LPAR1: variants seen among roughly 807,000 people sequenced by gnomAD.
The protein encoded by LPAR1 is lysophosphatidic acid receptor 1.
A neutral mutation model predicts 23.8 loss-of-function variants in LPAR1; 5 were observed. That is an observed-to-expected ratio of 0.21 (90% CI 0.11 to 0.44). The LOEUF (loss-of-function observed/expected upper bound fraction) is 0.44. LPAR1 is among the 20% of genes least tolerant of loss of function. The pLI is 0.99. For missense variants in LPAR1, 311 were observed against 482.8 expected (o/e 0.64, Z 3.33); for synonymous variants, 160 against 164.7 (o/e 0.97, Z 0.22).
intron 2 of LPAR1, among the ~76,000 whole-genome samples, chr9:110,987,154 G>C (rs965537553): frequency 2.0e-5 from 3 of 151,964 alleles, no homozygotes; most frequent in Admixed American, 2.0e-4. Flanking sequence ...CAAAGAATTT[G>C]CTACAAGGAT....
chr9:110,953,307 C>T (rs1309254709), intron 4 of LPAR1, among the ~76,000 whole-genome samples: 3 of 152,146 alleles, frequency 2.0e-5, no homozygotes, highest in Admixed American at 6.5e-5. Flanking sequence ...CTGACATCCC[C>T]GGCCCCAGCA....
At chr9:110,921,487 C>A (rs137964981) in intron 5 of LPAR1, among the ~76,000 whole-genome samples, 64 of 152,288 alleles carry the variant, frequency 4.2e-4, no homozygotes, top group African/African-American at 1.5e-3. Context: ...AAGGGCATCA[C>A]ATAACTTTTC....
rs201328538 is a variant in LPAR1, at chr9:111,023,830, A to G, written c.-182+12292T>C. On this transcript the variant is annotated intron_variant, in intron 2 of 5. Coordinates refer to ENST00000683809, the MANE Select transcript of LPAR1 (RefSeq NM_001351411.2). ...AATAGAAAAGAAAATGTCAGAGTTTACTATGTGTAGTAAACTATATACAAC... is the reference window on the plus strand; with the variant it reads ...AATAGAAAAGAAAATGTCAGAGTTTGCTATGTGTAGTAAACTATATACAAC... 4.6e-5 allele frequency among the ~76,000 whole-genome samples: 7 copies of G among 152,352 alleles called. No homozygotes were observed. The East Asian group carries it at 1.3e-3, about 29-fold the overall frequency.
intron 2 of LPAR1, among the ~76,000 whole-genome samples, chr9:110,982,588 C>T (rs948770604): frequency 3.3e-5 from 5 of 151,688 alleles, no homozygotes; most frequent in Admixed American, 6.6e-5. Flanking sequence ...AACAAACCTG[C>T]ATGTTGTGCA....
intron 5 of LPAR1, among the ~76,000 whole-genome samples, chr9:110,888,336 T>C (rs1247660405): frequency 6.6e-6 from 1 of 152,192 alleles, no homozygotes; most frequent in Non-Finnish European, 1.5e-5. Context: ...CTTAAAATTC[T>C]TGCAAAGCCA....
chr9:110,899,015 A>C (rs2087609812), intron 5 of LPAR1, among the ~76,000 whole-genome samples: 1 of 152,264 alleles, frequency 6.6e-6, no homozygotes, highest in African/African-American at 2.4e-5. Flanking sequence ...CCTTGGACAA[A>C]CATCGGCTAA....
chr9:110,994,148 G>A (rs891751076), intron 2 of LPAR1, among the ~76,000 whole-genome samples: 5 of 152,120 alleles, frequency 3.3e-5, no homozygotes, highest in African/African-American at 1.2e-4. Context: ...AAAATGCAAT[G>A]AGAATATCAC....
rs1451075744 is a variant in LPAR1, at chr9:110,874,115, A to T, written c.*1306T>A. ...ACAAGATGACATTTCACATTTTTTT[A>T]AAAAAAGAATCCTTCATGGGAATAT... On this transcript the variant is annotated 3_prime_UTR_variant, in exon 6 of 6. Coordinates refer to ENST00000683809, the MANE Select transcript of LPAR1 (RefSeq NM_001351411.2). The T allele has an allele frequency of 1.3e-5, 2 of 152,588 alleles. No individual in the cohort carries two copies. Among genetic ancestry groups the T allele is most frequent in the Middle Eastern group, 3.2e-3 (1 of 316 alleles). 9.5% of individuals were successfully genotyped at this position (152,588 alleles called of 1,614,324 possible). A position where few individuals can be genotyped will look rare whatever the true frequency, so the allele number is the denominator to read the frequency against.
At chr9:111,009,485 T>C (rs931038605) in intron 2 of LPAR1, among the ~76,000 whole-genome samples, 5 of 152,168 alleles carry the variant, frequency 3.3e-5, no homozygotes, top group Admixed American at 3.3e-4. Flanking sequence ...TATACTTGTG[T>C]CATTTTTATT....
chr9:110,947,446 G>A (rs865932909), intron 4 of LPAR1, among the ~76,000 whole-genome samples: 3 of 152,176 alleles, frequency 2.0e-5, no homozygotes, highest in African/African-American at 7.2e-5. Flanking sequence ...GGGTTCGAGG[G>A]AAGTGATCTC....
chr9:111,027,923 A>C (rs1334862322), intron 2 of LPAR1, among the ~76,000 whole-genome samples: 1 of 144,594 alleles, frequency 6.9e-6, no homozygotes, highest in African/African-American at 2.5e-5. Context: ...AAGCAAGCGG[A>C]GAAAGGGAAT....
At position 110,978,486 on chromosome 9, in the gene LPAR1, T is replaced by C. The variant is rs2096604841; in HGVS notation, c.-181-4928A>G. On this transcript the variant is annotated intron_variant, in intron 2 of 5. Transcript: ENST00000683809. ...AAGGACAAATTTATTCTAAAAACTT[T>C]AGAAAACTATTACAGATATACAACA... is the stretch of plus-strand genomic sequence containing the variant. Among the ~76,000 whole-genome samples, 4 of 152,130 alleles carry C rather than the reference T, an allele frequency of 2.6e-5. No individual in the cohort carries two copies. In the South Asian group the frequency reaches 8.3e-4, roughly 31 times the overall value.
intron 5 of LPAR1, among the ~76,000 whole-genome samples, chr9:110,897,949 T>A (rs1181462608): frequency 6.6e-6 from 1 of 152,116 alleles, no homozygotes; most frequent in Non-Finnish European, 1.5e-5. Flanking sequence ...ACAGAATTTC[T>A]GGAGGAAGGA....
intron 5 of LPAR1, among the ~76,000 whole-genome samples, chr9:110,912,326 C>T (rs1309112393): frequency 6.6e-6 from 1 of 152,148 alleles, no homozygotes; most frequent in Non-Finnish European, 1.5e-5. Context: ...GGAATCTCCA[C>T]CTCTCAAAGA....
At chr9:111,019,782 T>A (rs1240289078) in intron 2 of LPAR1, among the ~76,000 whole-genome samples, 5 of 152,010 alleles carry the variant, frequency 3.3e-5, no homozygotes, top group Non-Finnish European at 7.4e-5. Flanking sequence ...GAGGTGGAGA[T>A]TGCAGTGAGC....
intron 2 of LPAR1, among the ~76,000 whole-genome samples, chr9:110,988,539 A>C (rs2096835158): frequency 6.6e-6 from 1 of 152,170 alleles, no homozygotes; most frequent in Non-Finnish European, 1.5e-5. Flanking sequence ...GGCTAACAAG[A>C]ATATGAAAAG....
chr9:110,952,641 T>C (rs4344153), intron 4 of LPAR1, among the ~76,000 whole-genome samples: 149,872 of 152,262 alleles, frequency 0.98, 73,774 homozygotes, highest in African/African-American at 1. Flanking sequence ...TTATAGCTGC[T>C]ACCTGGGGCT....
intron 5 of LPAR1, among the ~76,000 whole-genome samples, chr9:110,882,897 A>G (rs2081271218): frequency 6.6e-6 from 1 of 152,170 alleles, no homozygotes; most frequent in African/African-American, 2.4e-5. Flanking sequence ...GATATTTATA[A>G]ATTTAGAAAT....
chr9:110,981,401 G>A (rs1017115148), intron 2 of LPAR1, among the ~76,000 whole-genome samples: 3 of 151,904 alleles, frequency 2.0e-5, no homozygotes, highest in African/African-American at 4.8e-5. Flanking sequence ...TAATAGTAAG[G>A]CTGCCACATA....
Sources: allele counts gnomAD v4.1 joint callset (sites outside exome capture counted in the v4.1 genomes callset), GRCh38; gene constraint gnomAD v4.1.1; transcripts MANE v1.5; gene names NCBI Gene and HGNC (gene_info 2026-07-23, HGNC 2026-07-21).